KMT2E: variants seen among roughly 807,000 people sequenced by gnomAD.
The protein encoded by KMT2E is histone reader KMT2E.
In KMT2E, 30 loss-of-function variants were observed where a neutral mutation model predicts 184.6. That is an observed-to-expected ratio of 0.16 (90% CI 0.12 to 0.22). The LOEUF (loss-of-function observed/expected upper bound fraction) is 0.22. Among genes scored for constraint, KMT2E ranks in the 10% least tolerant of loss-of-function variants. The pLI is 1.00. For missense variants in KMT2E, 2,023 were observed against 2,237.4 expected (o/e 0.90, Z 1.93); for synonymous variants, 815 against 776.5 (o/e 1.05, Z -0.82).
chr7:105,076,139 G>T, intron 9 of KMT2E, 58 bp downstream of exon 9: 1 of 1,206,492 alleles, frequency 8.3e-7, no homozygotes. Context: ...GGAGCTACAT[G>T]CTTGCTTGAC....
intron 13 of KMT2E, among the ~76,000 whole-genome samples, chr7:105,087,108 A>G (rs1271842827): frequency 6.8e-6 from 1 of 147,348 alleles, no homozygotes; most frequent in African/African-American, 2.5e-5. Context: ...ACATTATAGC[A>G]TATGTGCTAT....
At chr7:105,064,286 G>A (rs1046651944) in intron 5 of KMT2E, among the ~76,000 whole-genome samples, 6 of 149,208 alleles carry the variant, frequency 4.0e-5, no homozygotes, top group South Asian at 4.3e-4. Flanking sequence ...GGTGGGAAGC[G>A]CAGAGTACTT....
chr7:105,112,787 A>ACTC lies in KMT2E; in HGVS notation c.5032_5033insTCC (p.Leu1677dup). 1.4e-6 allele frequency: 2 copies of ACTC among 1,462,824 alleles called. No individual in the cohort carries two copies. Among genetic ancestry groups the ACTC allele is most frequent in the South Asian group, 1.2e-5 (1 of 86,788 alleles). 90.6% of individuals were successfully genotyped at this position (1,462,824 alleles called of 1,614,324 possible). On this transcript the variant is annotated inframe_insertion, in exon 27 of 27. Transcript: ENST00000311117. Reference sequence around the variant, plus strand: ...ATTCTCAAACTGCTGGACACCACTTACCCCCACCCCCACCCCCTCCTGGTC... The same window carrying ACTC: ...ATTCTCAAACTGCTGGACACCACTTACTCCCCCCACCCCCACCCCCTCCTGGTC...
chr7:105,079,731 C>T (rs572063348), intron 12 of KMT2E, among the ~76,000 whole-genome samples: 1 of 150,672 alleles, frequency 6.6e-6, no homozygotes, highest in East Asian at 2.0e-4. Flanking sequence ...CATTTTGCTG[C>T]CCAGGCTGGT....
intron 12 of KMT2E, among the ~76,000 whole-genome samples, chr7:105,081,396 T>C (rs1562914508): frequency 6.6e-6 from 1 of 150,650 alleles, no homozygotes; most frequent in African/African-American, 2.4e-5. Flanking sequence ...AAAATAAAAA[T>C]AAGAAGAATT....
intron 3 of KMT2E, among the ~76,000 whole-genome samples, chr7:105,061,453 A>G (rs1225821047): frequency 6.6e-6 from 1 of 152,180 alleles, no homozygotes; most frequent in Non-Finnish European, 1.5e-5. Flanking sequence ...AACCTTGTTG[A>G]TCAATAGGAA....
chr7:105,030,203 A>G (rs913895957), intron 1 of KMT2E, among the ~76,000 whole-genome samples: 1 of 152,174 alleles, frequency 6.6e-6, no homozygotes, highest in African/African-American at 2.4e-5. Context: ...TTATAGCTGG[A>G]GAAGTCTTTT....
chr7:105,106,146 G>T, intron 19 of KMT2E, 143 bp downstream of exon 19: 1 of 882,462 alleles, frequency 1.1e-6, no homozygotes, highest in Non-Finnish European at 1.7e-6. Context: ...TCTGTCCTCT[G>T]TATTTTTTGG....
chr7:105,027,756 G>C (rs1795231695), intron 1 of KMT2E, among the ~76,000 whole-genome samples: 1 of 152,042 alleles, frequency 6.6e-6, no homozygotes, highest in Non-Finnish European at 1.5e-5. Context: ...TTAAAAGACA[G>C]GAAAATGCTG....
chr7:105,075,454 G>A (rs1797488664), intron 8 of KMT2E, among the ~76,000 whole-genome samples: 1 of 151,994 alleles, frequency 6.6e-6, no homozygotes, highest in Non-Finnish European at 1.5e-5. Context: ...CCCATTATGG[G>A]CTCAAATATT....
At chr7:105,071,736 C>T (rs1016884407) in intron 6 of KMT2E, among the ~76,000 whole-genome samples, 3 of 147,162 alleles carry the variant, frequency 2.0e-5, no homozygotes, top group Non-Finnish European at 4.5e-5. Context: ...AGATTACAGG[C>T]GTGGGCCACC....
chr7:105,051,424 A>G (rs1260254926), intron 3 of KMT2E, among the ~76,000 whole-genome samples: 1 of 150,918 alleles, frequency 6.6e-6, no homozygotes, highest in East Asian at 2.0e-4. Flanking sequence ...ACCTCAGGTG[A>G]TACGCCCGCC....
intron 3 of KMT2E, among the ~76,000 whole-genome samples, chr7:105,042,290 C>T (rs1178033149): frequency 6.6e-6 from 1 of 152,150 alleles, no homozygotes; most frequent in Non-Finnish European, 1.5e-5. Context: ...CATGCCCAGC[C>T]ATGTTTACAG....
chr7:105,114,612 A>G lies in KMT2E; in HGVS notation c.*1279A>G, dbSNP rs1211985474. ...GGATTCAGTAAGTACATCCAATAAT[A>G]ATGATACTGTTTTATCAATCAACAT... On this transcript the variant is annotated 3_prime_UTR_variant, in exon 27 of 27. Transcript: ENST00000311117. 2.0e-5 allele frequency among the ~76,000 whole-genome samples: 3 copies of G among 152,240 alleles called. No individual in the cohort carries two copies. Among genetic ancestry groups the G allele is most frequent in the Non-Finnish European group, 2.9e-5 (2 of 68,040 alleles).
chr7:105,044,853 A>G (rs1796032881), intron 3 of KMT2E, among the ~76,000 whole-genome samples: 1 of 152,146 alleles, frequency 6.6e-6, no homozygotes, highest in South Asian at 2.1e-4. Context: ...AAAGGAAACC[A>G]CACCCTGATA....
intron 3 of KMT2E, among the ~76,000 whole-genome samples, chr7:105,051,094 TTC>T (rs67837076): frequency 7.4e-5 from 11 of 149,322 alleles, no homozygotes; most frequent in Admixed American, 1.3e-4. Context: ...TCTTTCTTTT[TTC>T]TCTCTCTCTC....
intron 8 of KMT2E, among the ~76,000 whole-genome samples, chr7:105,075,618 T>A (rs1319549220): frequency 6.6e-6 from 1 of 152,134 alleles, no homozygotes; most frequent in Admixed American, 6.6e-5. Context: ...CAGAGAATAT[T>A]TGGAAATTTT....
intron 20 of KMT2E, 82 bp from the exon 21 acceptor site, chr7:105,107,084 A>C: frequency 2.4e-6 from 2 of 816,710 alleles, no homozygotes; most frequent in African/African-American, 3.5e-5. Flanking sequence ...TATATTTTTC[A>C]TTTTGTTTTC....
At chr7:105,084,240 T>A (rs1399569833) in intron 13 of KMT2E, among the ~76,000 whole-genome samples, 1 of 152,192 alleles carries the variant, frequency 6.6e-6, no homozygotes, top group Non-Finnish European at 1.5e-5. Context: ...GCAATTCAAC[T>A]TCTTCTTGCA....
Sources: allele counts gnomAD v4.1 joint callset (sites outside exome capture counted in the v4.1 genomes callset), GRCh38; gene constraint gnomAD v4.1.1; transcripts MANE v1.5; gene names NCBI Gene and HGNC (gene_info 2026-07-23, HGNC 2026-07-21).